SEMA3A: variants seen among roughly 807,000 people sequenced by gnomAD.
SEMA3A encodes semaphorin-3A.
In SEMA3A, 29 loss-of-function variants were observed where a neutral mutation model predicts 97.9. The observed-to-expected ratio is 0.30, with a 90% confidence interval of 0.22 to 0.40. The LOEUF is 0.40. Among genes scored for constraint, SEMA3A ranks in the 10% least tolerant of loss-of-function variants. The pLI is 1.00. For synonymous variants in SEMA3A, 321 were observed against 323.7 expected (o/e 0.99, Z 0.09); for missense variants, 763 against 951.3 (o/e 0.80, Z 2.60).
At chr7:84,190,927 G>A (rs1447831295) in intron 1 of SEMA3A, among the ~76,000 whole-genome samples, 1 of 145,292 alleles carries the variant, frequency 6.9e-6, no homozygotes, top group African/African-American at 2.6e-5. Flanking sequence ...TATGGTATAT[G>A]TATACCTATG....
chr7:83,996,076 C>T (rs1790204129), intron 12 of SEMA3A, among the ~76,000 whole-genome samples: 1 of 152,148 alleles, frequency 6.6e-6, no homozygotes, highest in Non-Finnish European at 1.5e-5. Context: ...CCTAAGAGCA[C>T]TGCAACTTGT....
At chr7:84,373,791 T>C (rs979002109) in intron 1 of SEMA3A, among the ~76,000 whole-genome samples, 1 of 152,230 alleles carries the variant, frequency 6.6e-6, no homozygotes, top group Non-Finnish European at 1.5e-5. Context: ...TTTCATATAA[T>C]GCATACATAG....
chr7:84,102,514 T>C (rs538572158), intron 4 of SEMA3A, among the ~76,000 whole-genome samples: 4 of 149,162 alleles, frequency 2.7e-5, no homozygotes, highest in Admixed American at 6.7e-5. Flanking sequence ...TTGGGACCCA[T>C]AGACCAGGGC....
At chr7:84,214,374 T>C (rs1410737497) in intron 3 of SEMA3A, among the ~76,000 whole-genome samples, 1 of 152,184 alleles carries the variant, frequency 6.6e-6, no homozygotes, top group East Asian at 1.9e-4. Flanking sequence ...ATATAAAGGA[T>C]TATATTTTTT....
At chr7:84,129,256 T>C in intron 2 of SEMA3A, 71 bp from the exon 3 acceptor site, 2 of 1,237,858 alleles carry the variant, frequency 1.6e-6, no homozygotes, top group South Asian at 2.4e-5. Context: ...ATATAGTCTT[T>C]TAGATGACAT....
intron 5 of SEMA3A, among the ~76,000 whole-genome samples, chr7:84,057,543 G>C (rs935430954): frequency 4.6e-5 from 7 of 152,036 alleles, no homozygotes; most frequent in African/African-American, 1.7e-4. Flanking sequence ...GAGGTGGGTG[G>C]ATCACGAGGT....
At chr7:84,468,837 AT>A (rs1806070234) in intron 1 of SEMA3A, among the ~76,000 whole-genome samples, 1 of 151,796 alleles carries the variant, frequency 6.6e-6, no homozygotes, top group South Asian at 2.1e-4. Context: ...TAGAAAAATG[AT>A]TCTCTTTAGT....
chr7:84,084,617 T>C (rs1318799490), intron 4 of SEMA3A, among the ~76,000 whole-genome samples: 1 of 152,076 alleles, frequency 6.6e-6, no homozygotes, highest in African/African-American at 2.4e-5. Flanking sequence ...TAATTCCTAT[T>C]CTATTTTGTT....
chr7:84,336,303 C>A (rs1802037415), intron 2 of SEMA3A, among the ~76,000 whole-genome samples: 1 of 152,090 alleles, frequency 6.6e-6, no homozygotes, highest in South Asian at 2.1e-4. Context: ...AACAGAAGAA[C>A]ACCAAACATA....
intron 12 of SEMA3A, among the ~76,000 whole-genome samples, chr7:83,996,329 G>GTCTCCC (rs1790218360): frequency 8.5e-6 from 1 of 118,314 alleles, no homozygotes; most frequent in Non-Finnish European, 1.6e-5. Flanking sequence ...TTGAGATGTA[G>GTCTCCC]TCTCCCTCTG....
At chr7:84,261,606 G>C (rs1257051118) in intron 3 of SEMA3A, among the ~76,000 whole-genome samples, 3 of 152,222 alleles carry the variant, frequency 2.0e-5, no homozygotes, top group African/African-American at 7.2e-5. Flanking sequence ...GCCTTGCACA[G>C]AGCCAGCACC....
At chr7:84,266,786 G>A (rs1248306380) in intron 3 of SEMA3A, among the ~76,000 whole-genome samples, 1 of 151,930 alleles carries the variant, frequency 6.6e-6, no homozygotes, top group Non-Finnish European at 1.5e-5. Flanking sequence ...ATGCACAAGA[G>A]CTTATTGAGA....
chr7:84,313,786 A>AT (rs1801426477), intron 2 of SEMA3A, among the ~76,000 whole-genome samples: 1 of 151,972 alleles, frequency 6.6e-6, no homozygotes, highest in African/African-American at 2.4e-5. Flanking sequence ...CACGTAAGCT[A>AT]TTTGTTTTGT....
At chr7:84,458,648 C>T (rs1805746840) in intron 1 of SEMA3A, among the ~76,000 whole-genome samples, 1 of 152,020 alleles carries the variant, frequency 6.6e-6, no homozygotes, top group African/African-American at 2.4e-5. Context: ...TCCCACCTCT[C>T]TGCCTCGTCA....
At chr7:84,312,872 T>TTATATA (rs377261705) in intron 2 of SEMA3A, among the ~76,000 whole-genome samples, 7 of 48,844 alleles carry the variant, frequency 1.4e-4, no homozygotes, top group Non-Finnish European at 2.1e-4. Context: ...TGGTGTTGTT[T>TTATATA]TATATATATA....
At chr7:84,061,618 A>C (rs1047349099) in intron 4 of SEMA3A, among the ~76,000 whole-genome samples, 2 of 152,170 alleles carry the variant, frequency 1.3e-5, no homozygotes, top group Non-Finnish European at 2.9e-5. Context: ...CCATCTTGGT[A>C]TATTAAATGG....
chr7:84,104,293 A>T (rs1045750067), intron 4 of SEMA3A, among the ~76,000 whole-genome samples: 1 of 152,122 alleles, frequency 6.6e-6, no homozygotes, highest in Non-Finnish European at 1.5e-5. Flanking sequence ...GCCTTATAAA[A>T]ACTGTTTAAA....
intron 3 of SEMA3A, among the ~76,000 whole-genome samples, chr7:84,286,934 A>C (rs1273355714): frequency 6.6e-6 from 1 of 152,140 alleles, no homozygotes; most frequent in African/African-American, 2.4e-5. Context: ...ATTTAAAATA[A>C]ACAATTTGTG....
intron 1 of SEMA3A, among the ~76,000 whole-genome samples, chr7:84,388,582 G>A (rs142242243): frequency 1.3e-5 from 2 of 152,002 alleles, no homozygotes; most frequent in East Asian, 3.9e-4. Context: ...AGAATTTGTA[G>A]TGATATTTTA....
Sources: allele counts gnomAD v4.1 joint callset (sites outside exome capture counted in the v4.1 genomes callset), GRCh38; gene constraint gnomAD v4.1.1; transcripts MANE v1.5; gene names NCBI Gene and HGNC (gene_info 2026-07-23, HGNC 2026-07-21).